Variants in TTC7A observed in about 807,000 individuals in gnomAD.
The protein encoded by TTC7A is tetratricopeptide repeat protein 7A.
TTC7A carries 110 observed loss-of-function variants against 103.7 expected under a neutral mutation model. The ratio of observed to expected loss-of-function variants is 1.06; its 90% CI spans 0.91 to 1.24. The LOEUF (loss-of-function observed/expected upper bound fraction) is 1.24. TTC7A is among the 50% of genes most tolerant of loss of function. The pLI is 0.00. For synonymous variants in TTC7A, 521 were observed against 467.9 expected, an observed-to-expected ratio of 1.11 and a Z score of -1.47; for missense variants, 1,340 against 1,116.3, an observed-to-expected ratio of 1.20 and a Z score of -2.86.
intron 8 of TTC7A, among the ~76,000 whole-genome samples, chr2:47,000,192 A>G (rs1572865178): frequency 6.6e-6 from 1 of 151,884 alleles, no homozygotes; most frequent in East Asian, 1.9e-4. Flanking sequence ...ATTCTGACTT[A>G]GTCATTTTTG....
chr2:47,018,605 A>T (rs1678937507), intron 11 of TTC7A, among the ~76,000 whole-genome samples: 1 of 150,700 alleles, frequency 6.6e-6, no homozygotes, highest in African/African-American at 2.4e-5. Context: ...AAAAAAGCTT[A>T]TATTATTATA....
intron 19 of TTC7A, among the ~76,000 whole-genome samples, chr2:47,062,919 C>A (rs1026811217): frequency 6.6e-6 from 1 of 152,226 alleles, no homozygotes; most frequent in Non-Finnish European, 1.5e-5. Context: ...TTTAAAGTTA[C>A]AAGCAACCAG....
In TTC7A at chr2:46,941,681, A is replaced by C; in HGVS notation, c.140A>C (p.Asn47Thr). The C allele has an allele frequency of 3.2e-6, 5 of 1,551,674 alleles. No individual in the cohort carries two copies. Among genetic ancestry groups the C allele is most frequent in the Non-Finnish European group, 4.4e-6 (5 of 1,147,894 alleles). The change falls in exon 1 of 20, where the codon AAC (asparagine) becomes ACC (threonine). Residue 47 changes from asparagine to threonine, a missense_variant. Transcript: ENST00000319190. The surrounding 1 kb of genome is among the most constrained non-coding windows in gnomAD (Gnocchi z 4.2). ...QTLSMPGGGGNRRGSPSAAFT... is the reference protein window; with the variant it reads ...QTLSMPGGGGTRRGSPSAAFT... ...CTGAGCATGCCCGGCGGCGGAGGTAACAGGCGAGGCAGCCCGAGCGCAGCG... is the reference window on the plus strand; with the variant it reads ...CTGAGCATGCCCGGCGGCGGAGGTACCAGGCGAGGCAGCCCGAGCGCAGCG...
In TTC7A at chr2:46,964,443, G is replaced by A. The variant is rs75758900; in HGVS notation, c.517+7436G>A. ...GAGAGCCCACAGTAAGGCTCAGGGT[G>A]TCTCTCTTCACTGGGGTTTCTAGAT... is the stretch of plus-strand genomic sequence containing the variant. On this transcript the variant is annotated intron_variant, in intron 3 of 19. Coordinates refer to ENST00000319190, the MANE Select transcript of TTC7A (RefSeq NM_020458.4). 4.3e-4 allele frequency among the ~76,000 whole-genome samples: 66 copies of A among 152,298 alleles called. 1 individual carries two copies. In the East Asian group the frequency reaches 9.3e-3, roughly 22 times the overall value.
intron 1 of TTC7A, among the ~76,000 whole-genome samples, chr2:46,947,366 C>T (rs948403506): frequency 6.6e-6 from 1 of 152,164 alleles, no homozygotes; most frequent in African/African-American, 2.4e-5. Context: ...TCTTTCGCAG[C>T]CAGTCACTCT....
chr2:47,052,454 C>T (rs1682943734), intron 18 of TTC7A, among the ~76,000 whole-genome samples: 1 of 152,192 alleles, frequency 6.6e-6, no homozygotes, highest in Admixed American at 6.5e-5. Context: ...ATGTGTGACA[C>T]AGTCAGGGTG....
chr2:46,993,682 C>T (rs1292769809), intron 6 of TTC7A, among the ~76,000 whole-genome samples, 154 bp downstream of exon 6: 8 of 152,174 alleles, frequency 5.3e-5, no homozygotes, highest in African/African-American at 1.7e-4. Context: ...CATCCTTTCC[C>T]ACGCAGCCAG....
chr2:47,030,708 C>T lies in TTC7A; in HGVS notation c.1802+1324C>T, dbSNP rs12613287. Among the ~76,000 whole-genome samples, 18 of 152,256 alleles carry T rather than the reference C, an allele frequency of 1.2e-4. No individual in the cohort carries two copies. In the East Asian group the frequency reaches 1.7e-3, roughly 15 times the overall value. ...CCCTAGTCCACACTAACCCCTGCCC[C>T]GCCTGTTCCCCCTCCATCCTGGCCT... On this transcript the variant is annotated intron_variant, in intron 15 of 19. Transcript: ENST00000319190.
intron 8 of TTC7A, among the ~76,000 whole-genome samples, chr2:46,996,253 G>C (rs1344663554): frequency 6.6e-6 from 1 of 152,202 alleles, no homozygotes; most frequent in African/African-American, 2.4e-5. Context: ...AAGCACACAG[G>C]AGTCATCTAC....
At chr2:47,034,141 C>T (rs1680856964) in intron 15 of TTC7A, 1 of 152,248 alleles carries the variant, frequency 6.6e-6, no homozygotes, top group South Asian at 2.1e-4. Flanking sequence ...CAGACAGCCC[C>T]ACAGGGACAG....
intron 3 of TTC7A, chr2:46,958,473 T>C (rs764151057): frequency 8.0e-5 from 104 of 1,303,852 alleles, no homozygotes; most frequent in Non-Finnish European, 9.8e-5. Context: ...GCCCCCTGTC[T>C]CCTGCTCTCT....
Position 46,958,650 on chromosome 2 carries a change from C to T in TTC7A, c.517+1643C>T, listed in dbSNP as rs191567149. On this transcript the variant is annotated intron_variant, in intron 3 of 19. Coordinates refer to ENST00000319190, the MANE Select transcript of TTC7A (RefSeq NM_020458.4). Reference sequence around the variant, plus strand: ...CACATGGCCTCCCCTTTGCCTGCCTCCTCTCTGCCTGTCCTCCTCCCTGTC... The same window carrying T: ...CACATGGCCTCCCCTTTGCCTGCCTTCTCTCTGCCTGTCCTCCTCCCTGTC... The T allele has an allele frequency of 1.9e-5, 15 of 810,266 alleles. No individual in the cohort carries two copies. In the East Asian group the frequency reaches 8.9e-4, roughly 48 times the overall value. 50.2% of individuals were successfully genotyped at this position (810,266 alleles called of 1,614,324 possible). A position where few individuals can be genotyped will look rare whatever the true frequency, so the allele number is the denominator to read the frequency against.
intron 5 of TTC7A, among the ~76,000 whole-genome samples, chr2:46,989,305 A>G (rs1442701132): frequency 2.6e-5 from 4 of 152,160 alleles, no homozygotes; most frequent in African/African-American, 9.7e-5. Context: ...CCCTGTTTGG[A>G]TATTGTTAAA....
At chr2:46,995,266 C>T in intron 8 of TTC7A, 67 bp downstream of exon 8, 2 of 1,528,082 alleles carry the variant, frequency 1.3e-6, no homozygotes, top group Non-Finnish European at 1.8e-6. Flanking sequence ...CTGTGGGGCC[C>T]AGGTACAGGC....
At chr2:47,070,624 G>A (rs1684598091) in intron 19 of TTC7A, among the ~76,000 whole-genome samples, 1 of 152,138 alleles carries the variant, frequency 6.6e-6, no homozygotes, top group South Asian at 2.1e-4. Flanking sequence ...GAGGAGCTCC[G>A]CCCTCAGGGA....
chr2:47,022,634 A>C (rs1206485778), intron 12 of TTC7A, among the ~76,000 whole-genome samples: 1 of 152,014 alleles, frequency 6.6e-6, no homozygotes, highest in African/African-American at 2.4e-5. Context: ...CTGGAATAGT[A>C]ATCAGCCCAT....
intron 11 of TTC7A, among the ~76,000 whole-genome samples, chr2:47,020,614 C>T (rs550908874): frequency 2.8e-4 from 42 of 152,342 alleles, no homozygotes; most frequent in African/African-American, 9.9e-4. Flanking sequence ...TCAGCTGAGT[C>T]GGGCATGGTG....
chr2:47,024,954 C>G (rs544421952), intron 14 of TTC7A, among the ~76,000 whole-genome samples: 2 of 152,324 alleles, frequency 1.3e-5, no homozygotes, highest in East Asian at 3.9e-4. Context: ...TCAGAGCCTC[C>G]TTTACTTTCC....
Position 47,029,265 on chromosome 2 carries a change from A to G in TTC7A, c.1683A>G (p.Val561=). 2 of 1,614,028 alleles carry G rather than the reference A, an allele frequency of 1.2e-6. No homozygotes were observed. Among genetic ancestry groups the G allele is most frequent in the Non-Finnish European group, 1.7e-6 (2 of 1,180,018 alleles). Residue 561 remains valine, a synonymous_variant, in exon 15 of 20, where the codon GTA becomes GTG. Coordinates refer to ENST00000319190, the MANE Select transcript of TTC7A (RefSeq NM_020458.4). Reference sequence around the variant, plus strand: ...AGCAGCTGCAGGAGGCCCTGAAGGTACGCAAGGATGATGCCCACGCCCTCC... The same window carrying G: ...AGCAGCTGCAGGAGGCCCTGAAGGTGCGCAAGGATGATGCCCACGCCCTCC... ...AMEQLQEALK[V]RKDDAHALHL... is the part of the protein sequence containing the mutation.
Sources: gnomAD v4.1 joint callset for allele counts (sites outside exome capture counted in the v4.1 genomes callset) on GRCh38, gnomAD v4.1.1 for gene constraint, Gnocchi (gnomAD v3.1) non-coding constraint, MANE v1.5 for transcripts, NCBI Gene and HGNC (gene_info 2026-07-23, HGNC 2026-07-21) for gene names.